Variants in SLC2A14 observed in about 807,000 individuals in gnomAD.
SLC2A14 encodes solute carrier family 2, facilitated glucose transporter member 14.
Under a neutral mutation model 43.0 loss-of-function variants are expected in SLC2A14, and 13 were observed. The observed-to-expected ratio is 0.30, with a 90% CI of 0.20 to 0.48. The LOEUF (loss-of-function observed/expected upper bound fraction) is 0.48, where lower values mean the gene tolerates loss of function less well. SLC2A14 is among the 20% of genes least tolerant of loss of function. The pLI is 0.99. For synonymous variants in SLC2A14, 190 were observed against 233.8 expected (o/e 0.81, Z 1.71); for missense variants, 428 against 620.4 (o/e 0.69, Z 3.29).
rs375417530 is a variant in SLC2A14 at position 7,839,286 on chromosome 12, C to T, written c.19-6472G>A. 4.3e-5 allele frequency among the ~76,000 whole-genome samples: 6 copies of T among 140,184 alleles called. No individual in the cohort carries two copies. The South Asian group carries it at 1.2e-3, about 29-fold the overall frequency. The allele number at this position is 140,184 out of a possible 152,430, so 92.0% of individuals were successfully genotyped here. The stretch of plus-strand genomic sequence containing the variant: ...TACTTGCACAGAAACCTGAATCACA[C>T]GAGAAAGTCAACCTTGGGAGTATCT... On this transcript the variant is annotated intron_variant, in intron 2 of 10. Transcript: ENST00000431042.
chr12:7,827,083 CTTTCTTTCTTTCTCTTTCTT>C (rs1864547540), intron 7 of SLC2A14, among the ~76,000 whole-genome samples: 1 of 108,792 alleles, frequency 9.2e-6, no homozygotes, highest in South Asian at 2.8e-4. Flanking sequence ...CTCTTTCTTT[CTTTCTTTCTTTCTCTTTCTT>C]TCTTTCTTTC....
At chr12:7,882,753 C>A (rs777300055) in intron 1 of SLC2A14, among the ~76,000 whole-genome samples, 1 of 152,052 alleles carries the variant, frequency 6.6e-6, no homozygotes, top group Non-Finnish European at 1.5e-5. Flanking sequence ...TGGAGAATCA[C>A]TTGAACCCAG....
chr12:7,836,697 G>A (rs1172088154), intron 2 of SLC2A14, among the ~76,000 whole-genome samples: 1 of 152,084 alleles, frequency 6.6e-6, no homozygotes, highest in African/African-American at 2.4e-5. Flanking sequence ...TTAGCCAGGC[G>A]TGGTGGCACA....
intron 5 of SLC2A14, 150 bp from the exon 6 acceptor site, chr12:7,829,016 C>T (rs966334127): frequency 2.8e-5 from 27 of 965,264 alleles, no homozygotes; most frequent in African/African-American, 2.2e-4. Context: ...AGTTGAAGAC[C>T]AGCCTGGCCA....
At chr12:7,883,740 C>G (rs958597624) in intron 1 of SLC2A14, among the ~76,000 whole-genome samples, 1 of 148,218 alleles carries the variant, frequency 6.7e-6, no homozygotes, top group Non-Finnish European at 1.5e-5. Context: ...CCCACCACCA[C>G]GCCGGGCTAA....
chr12:7,878,227 T>G (rs1945497947), upstream of SLC2A14, among the ~76,000 whole-genome samples: 1 of 151,608 alleles, frequency 6.6e-6, no homozygotes, highest in South Asian at 2.1e-4. Flanking sequence ...AGTTTTGTAT[T>G]TTTAGTACAG....
intron 1 of SLC2A14, chr12:7,871,854 G>T (rs781015080): frequency 3.4e-5 from 33 of 975,854 alleles, no homozygotes; most frequent in Non-Finnish European, 3.8e-5. Flanking sequence ...ACCCTGTTGA[G>T]ACACCAGCGC....
Position 7,869,950 on chromosome 12 carries a change from A to T in SLC2A14, c.-57-13T>A. On this transcript the variant is annotated splice_polypyrimidine_tract_variant and intron_variant, in intron 1 of 10. Coordinates refer to ENST00000431042, the MANE Select transcript of SLC2A14 (RefSeq NM_001286234.2). Reference sequence around the variant, plus strand: ...AAGGTACTGCTTCCTGTAAATTGTAATTGTCTAGTTATTCATTTACTCCAT... The same window carrying T: ...AAGGTACTGCTTCCTGTAAATTGTATTTGTCTAGTTATTCATTTACTCCAT... 1 of 1,499,388 alleles carries T rather than the reference A, an allele frequency of 6.7e-7. No individual in the cohort carries two copies. The highest frequency in any genetic ancestry group is 8.9e-7 in the Non-Finnish European group (1 of 1,119,042). The allele number at this position is 1,499,388 out of a possible 1,614,324, so 92.9% of individuals were successfully genotyped here.
rs60156532 is a variant in SLC2A14 at position 7,863,823 on chromosome 12, CTTT to C, written c.18+6037_18+6039del. Among the ~76,000 whole-genome samples, 63 of 131,608 alleles carry C rather than the reference CTTT, an allele frequency of 4.8e-4. 1 individual carries two copies. Among genetic ancestry groups the C allele is most frequent in the Middle Eastern group, 4.2e-3 (1 of 240 alleles). The allele number at this position is 131,608 out of a possible 152,430, so 86.3% of individuals were successfully genotyped here. A position where few individuals can be genotyped will look rare whatever the true frequency, so the allele number is the denominator to read the frequency against. ...CCATCTTCCTTTTTTTTCTTTTTTT[CTTT>C]TTTTTTTTTGAGACGGAGTCTCACT... is the stretch of plus-strand genomic sequence containing the variant. On this transcript the variant is annotated intron_variant, in intron 2 of 10. Coordinates refer to ENST00000431042, the MANE Select transcript of SLC2A14 (RefSeq NM_001286234.2).
At chr12:7,876,193 ATGGCTTGAACC>A (rs1279292840), upstream of SLC2A14, among the ~76,000 whole-genome samples, 3 of 145,934 alleles carry the variant, frequency 2.1e-5, no homozygotes, top group African/African-American at 7.6e-5. Context: ...AGGCAGGAGA[ATGGCTTGAACC>A]TGGGAGGCAG....
chr12:7,862,338 T>A (rs1389518555), intron 2 of SLC2A14, among the ~76,000 whole-genome samples: 2 of 151,246 alleles, frequency 1.3e-5, no homozygotes, highest in African/African-American at 4.9e-5. Flanking sequence ...ACCAGCACTT[T>A]GGAAGGCCGA....
chr12:7,879,817 C>A (rs1945534426), intron 1 of SLC2A14, among the ~76,000 whole-genome samples: 1 of 151,930 alleles, frequency 6.6e-6, no homozygotes, highest in South Asian at 2.1e-4. Flanking sequence ...CCAGCCTGGC[C>A]AACATGGTGA....
intron 7 of SLC2A14, 56 bp from the exon 8 acceptor site, chr12:7,821,381 A>T (rs1863895173): frequency 6.8e-7 from 1 of 1,470,972 alleles, no homozygotes; most frequent in African/African-American, 1.4e-5. Context: ...ACTTACACAG[A>T]ACCCTCAAAA....
intron 2 of SLC2A14, among the ~76,000 whole-genome samples, chr12:7,846,640 T>C (rs1174188730): frequency 6.6e-6 from 1 of 151,502 alleles, no homozygotes; most frequent in Non-Finnish European, 1.5e-5. Flanking sequence ...TCATAATTTT[T>C]TTTTTTTTTG....
intron 4 of SLC2A14, among the ~76,000 whole-genome samples, chr12:7,830,779 A>T (rs757724981): frequency 6.6e-6 from 1 of 152,334 alleles, no homozygotes; most frequent in East Asian, 1.9e-4. Context: ...TCATAACTGA[A>T]AATATATTCT....
At chr12:7,833,667 G>A (rs1733694851) in intron 2 of SLC2A14, among the ~76,000 whole-genome samples, 1 of 152,004 alleles carries the variant, frequency 6.6e-6, no homozygotes, top group Admixed American at 6.6e-5. Context: ...TGTAATCCCA[G>A]CTACTAGGAG....
At chr12:7,860,228 G>C (rs1364401185) in intron 2 of SLC2A14, among the ~76,000 whole-genome samples, 1 of 152,130 alleles carries the variant, frequency 6.6e-6, no homozygotes, top group East Asian at 1.9e-4. Flanking sequence ...TGTGTATTTA[G>C]TTAGGCCTGA....
chr12:7,885,555 T>A (rs1945673506), intron 1 of SLC2A14, among the ~76,000 whole-genome samples: 1 of 16,478 alleles, frequency 6.1e-5, no homozygotes, highest in Non-Finnish European at 1.8e-4. Context: ...AATTGGTAAG[T>A]TTTTTTTTTT....
Position 7,828,886 on chromosome 12 carries a change from A to G in SLC2A14, c.514-20T>C, listed in dbSNP as rs377605974. 2.5e-6 allele frequency: 4 copies of G among 1,611,608 alleles called. No individual in the cohort carries two copies. The African/African-American group carries it at 5.3e-5, about 22-fold the overall frequency. ...AAAGATCTAGAAACCACACAAAGAT[A>G]ATGCTATAAACCCCATACTTCACAG... On this transcript the variant is annotated intron_variant, in intron 5 of 10. Transcript: ENST00000431042.
Sources: allele counts gnomAD v4.1 joint callset (sites outside exome capture counted in the v4.1 genomes callset), GRCh38; gene constraint gnomAD v4.1.1; transcripts MANE v1.5; gene names NCBI Gene and HGNC (gene_info 2026-07-23, HGNC 2026-07-21).